Variants in CNTNAP2 observed in about 807,000 individuals in gnomAD.
CNTNAP2 encodes contactin-associated protein-like 2.
CNTNAP2 carries 98 observed loss-of-function variants against 155.2 expected under a neutral mutation model. That is an observed-to-expected ratio of 0.63 (90% CI 0.54 to 0.75). CNTNAP2 has a LOEUF of 0.75. CNTNAP2 is among the 30% of genes least tolerant of loss of function. The probability of loss-of-function intolerance (pLI) is 0.00; values close to 1 mark genes in which losing one functional copy is unlikely to be tolerated. For missense variants in CNTNAP2, 1,727 were observed against 1,688.1 expected (o/e 1.02, Z -0.40); for synonymous variants, 651 against 631.2 (o/e 1.03, Z -0.47).
At chr7:146,216,318 C>T (rs1799112112) in intron 1 of CNTNAP2, among the ~76,000 whole-genome samples, 1 of 152,188 alleles carries the variant, frequency 6.6e-6, no homozygotes, top group African/African-American at 2.4e-5. Flanking sequence ...GCCAGAATGA[C>T]AACCATTTTT....
intron 2 of CNTNAP2, among the ~76,000 whole-genome samples, chr7:146,790,654 C>T (rs1159792875): frequency 6.6e-6 from 1 of 151,214 alleles, no homozygotes; most frequent in Non-Finnish European, 1.5e-5. Flanking sequence ...ACTGCAAGCT[C>T]CGCCTCCCGG....
rs183123535 is a variant in CNTNAP2 at position 146,195,224 on chromosome 7, T to C, written c.97+78251T>C. 2.4e-4 allele frequency: 37 copies of C among 152,328 alleles called. 1 individual carries two copies. Among genetic ancestry groups the C allele is most frequent in the African/African-American group, 8.2e-4 (34 of 41,574 alleles). The allele number at this position is 152,328 out of a possible 1,614,324, so 9.4% of individuals were successfully genotyped here. On this transcript the variant is annotated intron_variant, in intron 1 of 23. Transcript: ENST00000361727. ...TAAACAAGGGATGCATTTTTAAGAA[T>C]GGCTTGATTTTCTTTGGAAAAAACG...
At chr7:146,139,888 G>A (rs1466950144) in intron 1 of CNTNAP2, among the ~76,000 whole-genome samples, 1 of 152,014 alleles carries the variant, frequency 6.6e-6, no homozygotes, top group Non-Finnish European at 1.5e-5. Flanking sequence ...ACAATTTGGG[G>A]GGTATTTAAC....
intron 1 of CNTNAP2, among the ~76,000 whole-genome samples, chr7:146,612,740 A>G (rs1391842624): frequency 2.0e-5 from 3 of 152,172 alleles, no homozygotes; most frequent in African/African-American, 4.8e-5. Flanking sequence ...AAACCTGTTC[A>G]TATACACAGA....
chr7:148,041,609 T>G (rs1802677244), intron 15 of CNTNAP2, among the ~76,000 whole-genome samples: 1 of 152,240 alleles, frequency 6.6e-6, no homozygotes, highest in South Asian at 2.1e-4. Flanking sequence ...GTTTTCTTCT[T>G]TGTATCACAT....
chr7:147,307,482 G>A lies in CNTNAP2; in HGVS notation c.1498+7192G>A, dbSNP rs183503368. 2.3e-3 allele frequency among the ~76,000 whole-genome samples: 343 copies of A among 152,200 alleles called. 2 individuals are homozygous for A. Among genetic ancestry groups the A allele is most frequent in the African/African-American group, 7.9e-3 (330 of 41,520 alleles). ...GCCTGTAGTCCCAGCTACTTGGGAGGCTGAGGCATGAGAATTGCTTGAACC... is the reference window on the plus strand; with the variant it reads ...GCCTGTAGTCCCAGCTACTTGGGAGACTGAGGCATGAGAATTGCTTGAACC... On this transcript the variant is annotated intron_variant, in intron 9 of 23. Coordinates refer to ENST00000361727, the MANE Select transcript of CNTNAP2 (RefSeq NM_014141.6).
At chr7:147,409,741 G>T (rs374246639) in intron 10 of CNTNAP2, among the ~76,000 whole-genome samples, 4 of 151,338 alleles carry the variant, frequency 2.6e-5, no homozygotes, top group African/African-American at 9.7e-5. Context: ...GGCAAAGGAC[G>T]TGAACAGACA....
At chr7:147,707,727 T>C (rs982572503) in intron 13 of CNTNAP2, among the ~76,000 whole-genome samples, 1 of 152,094 alleles carries the variant, frequency 6.6e-6, no homozygotes, top group African/African-American at 2.4e-5. Context: ...GCAGTAGCAA[T>C]AGTGAGACAA....
In CNTNAP2 at chr7:148,172,225, C is replaced by T. The variant is rs1457201045; in HGVS notation, c.2774-17C>T. The T allele has an allele frequency of 4.3e-6, 7 of 1,611,592 alleles. No homozygotes were observed. The highest frequency in any genetic ancestry group is 5.9e-6 in the Non-Finnish European group (7 of 1,178,644). ...GAGGTTATTCCCTCTGAACTCTGTG[C>T]CTTCTGTCATTCCCAGGTGGTGCTG... is the stretch of plus-strand genomic sequence containing the variant. On this transcript the variant is annotated splice_polypyrimidine_tract_variant and intron_variant, in intron 17 of 23. Transcript: ENST00000361727.
intron 3 of CNTNAP2, among the ~76,000 whole-genome samples, chr7:147,002,259 AT>A (rs1423832631): frequency 6.6e-6 from 1 of 152,122 alleles, no homozygotes; most frequent in East Asian, 1.9e-4. Context: ...ACATGTAATT[AT>A]GAAACTTCAG....
chr7:147,392,571 T>C (rs1796737933), intron 9 of CNTNAP2, among the ~76,000 whole-genome samples: 2 of 152,076 alleles, frequency 1.3e-5, no homozygotes, highest in Admixed American at 1.3e-4. Flanking sequence ...TGCATTCTCA[T>C]AGCTTAACTC....
At chr7:148,127,266 G>C (rs577569779) in intron 16 of CNTNAP2, among the ~76,000 whole-genome samples, 1 of 152,152 alleles carries the variant, frequency 6.6e-6, no homozygotes. Flanking sequence ...TCCAGCCCAG[G>C]TGACAGAGCA....
chr7:147,204,571 T>C (rs987992809), intron 8 of CNTNAP2, among the ~76,000 whole-genome samples: 1 of 152,084 alleles, frequency 6.6e-6, no homozygotes, highest in Non-Finnish European at 1.5e-5. Context: ...ACAAAATCAA[T>C]TTTTAAAAAA....
chr7:147,076,806 T>A (rs1373598414), intron 4 of CNTNAP2, among the ~76,000 whole-genome samples: 1 of 152,192 alleles, frequency 6.6e-6, no homozygotes, highest in Non-Finnish European at 1.5e-5. Context: ...GTTCTGGCTT[T>A]ACTATCAAAA....
chr7:146,658,287 T>C (rs1800028360), intron 1 of CNTNAP2, among the ~76,000 whole-genome samples: 1 of 151,958 alleles, frequency 6.6e-6, no homozygotes, highest in Admixed American at 6.6e-5. Context: ...AAGGAATAAC[T>C]GAAATTATTT....
rs141066724 is a variant in CNTNAP2, at chr7:147,757,628, C to T, written c.2098+118322C>T. Among the ~76,000 whole-genome samples, 1,210 of 151,854 alleles carry T rather than the reference C, an allele frequency of 8.0e-3. 10 individuals are homozygous for T. The highest frequency in any genetic ancestry group is 0.028 in the African/African-American group (1,162 of 41,436). ...TGTTGTTTTTGTTCTTTTTTTTTAACGTAAGCAAATTTAAATTTTCTACTC... is the reference window on the plus strand; with the variant it reads ...TGTTGTTTTTGTTCTTTTTTTTTAATGTAAGCAAATTTAAATTTTCTACTC... On this transcript the variant is annotated intron_variant, in intron 13 of 23. Transcript: ENST00000361727.
intron 21 of CNTNAP2, among the ~76,000 whole-genome samples, chr7:148,324,666 C>T (rs1046150491): frequency 2.0e-5 from 3 of 151,970 alleles, no homozygotes; most frequent in South Asian, 2.1e-4. Context: ...GGCATGGTGG[C>T]GGGTGCCTGT....
chr7:147,545,525 G>A (rs1272280893), intron 11 of CNTNAP2, among the ~76,000 whole-genome samples: 1 of 152,148 alleles, frequency 6.6e-6, no homozygotes, highest in Non-Finnish European at 1.5e-5. Flanking sequence ...ATTCGAATAG[G>A]TTATCAGTCT....
At chr7:147,242,490 G>C (rs996764717) in intron 8 of CNTNAP2, among the ~76,000 whole-genome samples, 1 of 152,084 alleles carries the variant, frequency 6.6e-6, no homozygotes, top group Non-Finnish European at 1.5e-5. Flanking sequence ...CTTGAAATCT[G>C]TGGTAGTATG....
Sources: gnomAD v4.1 joint callset for allele counts (sites outside exome capture counted in the v4.1 genomes callset) on GRCh38, gnomAD v4.1.1 for gene constraint, MANE v1.5 for transcripts, NCBI Gene and HGNC (gene_info 2026-07-23, HGNC 2026-07-21) for gene names.